The following PAPPA variants were observed in gnomAD, a reference collection of about 807,000 sequenced individuals.
PAPPA encodes the protein pappalysin-1.
A neutral mutation model predicts 164.0 loss-of-function variants in PAPPA; 60 were observed. The ratio of observed to expected loss-of-function variants is 0.37; its 90% CI spans 0.30 to 0.45. PAPPA has a LOEUF of 0.45. Ranked by LOEUF, PAPPA falls within the 20% of genes least tolerant of loss-of-function variation. PAPPA has a pLI of 1.00. For synonymous variants in PAPPA, 875 were observed against 814.1 expected (o/e 1.07, Z -1.27); for missense variants, 1,782 against 2,087.3 (o/e 0.85, Z 2.85).
At chr9:116,362,205 T>G (rs992364803) in intron 17 of PAPPA, among the ~76,000 whole-genome samples, 1 of 152,188 alleles carries the variant, frequency 6.6e-6, no homozygotes, top group Non-Finnish European at 1.5e-5. Context: ...TAACCCATGC[T>G]GCTACTCTCT....
intron 9 of PAPPA, among the ~76,000 whole-genome samples, chr9:116,278,838 T>C (rs1845233354): frequency 6.6e-6 from 1 of 152,214 alleles, no homozygotes; most frequent in Non-Finnish European, 1.5e-5. Flanking sequence ...ATAACACCTA[T>C]AGTTTTGTTA....
chr9:116,321,004 C>T (rs982120253), intron 10 of PAPPA, among the ~76,000 whole-genome samples: 2 of 151,890 alleles, frequency 1.3e-5, no homozygotes, highest in South Asian at 2.1e-4. Flanking sequence ...TGAGATGAGA[C>T]ATGTAAAGTG....
intron 4 of PAPPA, among the ~76,000 whole-genome samples, chr9:116,219,670 G>A (rs147908859): frequency 1.3e-5 from 2 of 152,090 alleles, no homozygotes; most frequent in African/African-American, 2.4e-5. Flanking sequence ...GTGACCTCTG[G>A]GCTGCTCTCT....
At chr9:116,258,475 G>A (rs1330573582) in intron 7 of PAPPA, among the ~76,000 whole-genome samples, 2 of 151,918 alleles carry the variant, frequency 1.3e-5, no homozygotes, top group African/African-American at 4.8e-5. Context: ...TGACGAACAT[G>A]GAGAAACCCT....
intron 10 of PAPPA, among the ~76,000 whole-genome samples, chr9:116,330,125 T>A (rs1054491644): frequency 6.6e-6 from 1 of 152,190 alleles, no homozygotes; most frequent in African/African-American, 2.4e-5. Flanking sequence ...AGCCGTACTT[T>A]TCGGATGAGT....
At chr9:116,258,485 T>C (rs1844959258) in intron 7 of PAPPA, among the ~76,000 whole-genome samples, 1 of 151,696 alleles carries the variant, frequency 6.6e-6, no homozygotes, top group African/African-American at 2.4e-5. Context: ...GGAGAAACCC[T>C]GTCTCTATTA....
chr9:116,390,176 T>C (rs963806735), intron 21 of PAPPA, among the ~76,000 whole-genome samples: 3 of 152,096 alleles, frequency 2.0e-5, no homozygotes, highest in Non-Finnish European at 2.9e-5. Context: ...CAAGTACTCA[T>C]GGAGACACAG....
intron 2 of PAPPA, among the ~76,000 whole-genome samples, chr9:116,207,041 T>C (rs190663666): frequency 5.9e-5 from 9 of 152,268 alleles, no homozygotes; most frequent in Admixed American, 5.2e-4. Context: ...CCTTTATTAT[T>C]CTAAGAGGGG....
At chr9:116,226,525 G>C (rs1844512493) in intron 5 of PAPPA, among the ~76,000 whole-genome samples, 1 of 152,218 alleles carries the variant, frequency 6.6e-6, no homozygotes, top group African/African-American at 2.4e-5. Flanking sequence ...ATAATGGGTT[G>C]TGCTGGGACA....
chr9:116,394,265 A>G (rs988746368), intron 21 of PAPPA, among the ~76,000 whole-genome samples: 1 of 152,264 alleles, frequency 6.6e-6, no homozygotes, highest in Non-Finnish European at 1.5e-5. Flanking sequence ...GCATATATGT[A>G]TTTGGCACTG....
chr9:116,160,411 C>T (rs1321140599), intron 1 of PAPPA, among the ~76,000 whole-genome samples: 1 of 152,170 alleles, frequency 6.6e-6, no homozygotes, highest in South Asian at 2.1e-4. Context: ...GAGAGAGAAG[C>T]CTCTTTGAAC....
At chr9:116,161,947 C>T (rs918115589) in intron 1 of PAPPA, among the ~76,000 whole-genome samples, 10 of 152,124 alleles carry the variant, frequency 6.6e-5, no homozygotes, top group East Asian at 1.9e-4. Context: ...TTTGCAAATA[C>T]GGAGACCACC....
intron 19 of PAPPA, among the ~76,000 whole-genome samples, chr9:116,369,974 C>G (rs1846551908): frequency 6.6e-6 from 1 of 152,168 alleles, no homozygotes; most frequent in Non-Finnish European, 1.5e-5. Flanking sequence ...GGCAGAAAAG[C>G]TGGCCTCTGC....
chr9:116,207,180 G>T (rs533480433), intron 2 of PAPPA, among the ~76,000 whole-genome samples: 22 of 152,178 alleles, frequency 1.4e-4, no homozygotes, highest in Admixed American at 6.5e-4. Context: ...TATGAAGAAG[G>T]TTCTCTAAGC....
chr9:116,157,954 C>G (rs1195989495), intron 1 of PAPPA, among the ~76,000 whole-genome samples: 1 of 152,078 alleles, frequency 6.6e-6, no homozygotes, highest in East Asian at 1.9e-4. Flanking sequence ...TTTGCTCCAT[C>G]GAGCAGAGGC....
In PAPPA at chr9:116,364,965, T is replaced by C. The variant is rs142774488; in HGVS notation, c.4495+2226T>C. On this transcript the variant is annotated intron_variant, in intron 18 of 21. Transcript: ENST00000328252. ...GAGTGCATAGGGACACTGGAGGAGA[T>C]CAGAGAGAAAAAGCCACATAGGGAG... 3.9e-3 allele frequency among the ~76,000 whole-genome samples: 593 copies of C among 152,106 alleles called. 16 individuals carry two copies. The East Asian group carries it at 0.064, about 17-fold the overall frequency.
chr9:116,193,710 G>T (rs2118643933), intron 2 of PAPPA, among the ~76,000 whole-genome samples: 1 of 152,292 alleles, frequency 6.6e-6, no homozygotes, highest in Non-Finnish European at 1.5e-5. Flanking sequence ...TTAGTATCCA[G>T]AGAACTGTGA....
chr9:116,173,497 A>G (rs1330690071), intron 1 of PAPPA, among the ~76,000 whole-genome samples: 1 of 152,190 alleles, frequency 6.6e-6, no homozygotes, highest in Non-Finnish European at 1.5e-5. Flanking sequence ...AAAAAACACC[A>G]AAGATTCATT....
At chr9:116,239,720 T>C (rs1224257053) in intron 7 of PAPPA, among the ~76,000 whole-genome samples, 3 of 152,118 alleles carry the variant, frequency 2.0e-5, no homozygotes, top group Admixed American at 2.0e-4. Flanking sequence ...GCCTCAAACT[T>C]AAGTCTAATT....
Sources: gnomAD v4.1 joint callset for allele counts (sites outside exome capture counted in the v4.1 genomes callset) on GRCh38, gnomAD v4.1.1 for gene constraint, MANE v1.5 for transcripts, NCBI Gene and HGNC (gene_info 2026-07-23, HGNC 2026-07-21) for gene names.